The following PRELID2 variants were observed in gnomAD, a reference collection of about 807,000 sequenced individuals.
PRELID2 encodes the protein PRELI domain containing 2.
A neutral mutation model predicts 28.4 loss-of-function variants in PRELID2; 25 were observed. That is an observed-to-expected ratio of 0.88 (90% CI 0.64 to 1.23). The LOEUF (loss-of-function observed/expected upper bound fraction) is 1.23, where lower values mean the gene tolerates loss of function less well. Ranked by LOEUF, PRELID2 falls within the 50% of genes most tolerant of loss-of-function variation. The probability of loss-of-function intolerance (pLI) is 0.00; values close to 1 mark genes in which losing one functional copy is unlikely to be tolerated. For missense variants in PRELID2, 201 were observed against 214.4 expected (o/e 0.94, Z 0.39); for synonymous variants, 76 against 71.6 (o/e 1.06, Z -0.31).
chr5:145,476,004 C>A (rs1752097115), intron 1 of PRELID2, among the ~76,000 whole-genome samples: 1 of 152,148 alleles, frequency 6.6e-6, no homozygotes, highest in African/African-American at 2.4e-5. Context: ...TCCTGCAATG[C>A]TTATGGATTG....
the PRELID2 span, among the ~76,000 whole-genome samples, chr5:145,304,668 C>T: frequency 6.6e-6 from 1 of 152,032 alleles, no homozygotes; most frequent in South Asian, 2.1e-4. Flanking sequence ...ATATATATTG[C>T]TGCCCCATTT....
intron 4 of PRELID2, among the ~76,000 whole-genome samples, chr5:145,814,730 A>G (rs774196494): frequency 6.6e-6 from 1 of 152,224 alleles, no homozygotes; most frequent in Non-Finnish European, 1.5e-5. Flanking sequence ...ACAGATAATT[A>G]TCCAGTTCAC....
chr5:145,592,386 C>T (rs745597619), intron 1 of PRELID2, among the ~76,000 whole-genome samples: 12 of 152,008 alleles, frequency 7.9e-5, no homozygotes, highest in Middle Eastern at 3.2e-3. Context: ...CGCCACTGCA[C>T]TCCAGCCTGG....
At chr5:145,348,838 T>G in the PRELID2 span, among the ~76,000 whole-genome samples, 1 of 152,138 alleles carries the variant, frequency 6.6e-6, no homozygotes, top group Non-Finnish European at 1.5e-5. Flanking sequence ...TGTTGAAACT[T>G]TTCAACAAAT....
Position 145,696,156 on chromosome 5 carries a change from CTTT to C in PRELID2, n.70+68772_70+68774del, listed in dbSNP as rs10591669. ...GCACATAGTGAGCAATAAATAATAG[CTTT>C]TTTTTTTTTTTTTTTTTTTTTTACC... On this transcript the variant is annotated intron_variant and non_coding_transcript_variant, in intron 1 of 2. Coordinates refer to the PRELID2 transcript ENST00000510259. 8.8e-3 allele frequency among the ~76,000 whole-genome samples: 529 copies of C among 59,992 alleles called. 8 individuals are homozygous for C. Among genetic ancestry groups the C allele is most frequent in the African/African-American group, 0.024 (482 of 20,258 alleles). The allele number at this position is 59,992 out of a possible 152,430, so 39.4% of individuals were successfully genotyped here. A position where few individuals can be genotyped will look rare whatever the true frequency, so the allele number is the denominator to read the frequency against.
intron 1 of PRELID2, among the ~76,000 whole-genome samples, chr5:145,610,616 A>G (rs1440922199): frequency 6.6e-6 from 1 of 152,220 alleles, no homozygotes; most frequent in Non-Finnish European, 1.5e-5. Flanking sequence ...GTTATGCACC[A>G]AAATCTGGCT....
At chr5:145,282,385 CTTA>C in the PRELID2 span, among the ~76,000 whole-genome samples, 1 of 152,054 alleles carries the variant, frequency 6.6e-6, no homozygotes. Context: ...ATCTCCTGTG[CTTA>C]TTATCAAGTG....
At chr5:145,232,585 G>A in the PRELID2 span, among the ~76,000 whole-genome samples, 103 of 152,220 alleles carry the variant, frequency 6.8e-4, no homozygotes, top group Non-Finnish European at 8.8e-4. Flanking sequence ...TTGATCACTC[G>A]TTATTTGGAC....
At chr5:145,712,231 A>C (rs926312715) in intron 1 of PRELID2, among the ~76,000 whole-genome samples, 4 of 152,240 alleles carry the variant, frequency 2.6e-5, no homozygotes, top group African/African-American at 9.6e-5. Flanking sequence ...AAATAAATGA[A>C]TTACATTTTA....
the PRELID2 span, among the ~76,000 whole-genome samples, chr5:145,277,515 A>G: frequency 2.0e-5 from 3 of 151,836 alleles, no homozygotes; most frequent in Non-Finnish European, 4.4e-5. Flanking sequence ...GTCTCTCTTT[A>G]CCTCTTAGCC....
chr5:145,816,706 T>C (rs915875346), intron 4 of PRELID2, among the ~76,000 whole-genome samples: 2 of 152,178 alleles, frequency 1.3e-5, no homozygotes, highest in Non-Finnish European at 2.9e-5. Context: ...CATTGATTGG[T>C]CTTGTAATAT....
chr5:145,626,518 A>T (rs1201880133), intron 1 of PRELID2, among the ~76,000 whole-genome samples: 2 of 152,154 alleles, frequency 1.3e-5, no homozygotes, highest in African/African-American at 4.8e-5. Flanking sequence ...AAAGTAAAAA[A>T]ATGTAGATAT....
chr5:145,238,825 A>G, the PRELID2 span, among the ~76,000 whole-genome samples: 1 of 152,096 alleles, frequency 6.6e-6, no homozygotes, highest in Non-Finnish European at 1.5e-5. Flanking sequence ...AAGCCTACAC[A>G]AAACTACTTT....
chr5:145,499,193 A>G (rs1383831883), intron 1 of PRELID2, among the ~76,000 whole-genome samples: 2 of 152,056 alleles, frequency 1.3e-5, no homozygotes, highest in Non-Finnish European at 2.9e-5. Context: ...GGATGCAGTG[A>G]CCTATGATCA....
In PRELID2 at chr5:145,768,180, A is replaced by G. The variant is rs1757886254; in HGVS notation, c.475-3180T>C. On this transcript the variant is annotated intron_variant, in intron 5 of 6. Transcript: ENST00000683046. ...GCAAAGGTTGCAGTGAGCCAAGAGCACGCCACTGCATTCCAGCCTGGTGAC... is the reference window on the plus strand; with the variant it reads ...GCAAAGGTTGCAGTGAGCCAAGAGCGCGCCACTGCATTCCAGCCTGGTGAC... Among the ~76,000 whole-genome samples the G allele has an allele frequency of 2.1e-5, 3 of 144,290 alleles. No individual in the cohort carries two copies. The Admixed American group carries it at 2.2e-4, about 11-fold the overall frequency. 94.7% of individuals were successfully genotyped at this position (144,290 alleles called of 152,430 possible).
chr5:145,462,810 G>T, the PRELID2 span, among the ~76,000 whole-genome samples: 1 of 152,188 alleles, frequency 6.6e-6, no homozygotes, highest in African/African-American at 2.4e-5. Flanking sequence ...AGTGACTGCT[G>T]TTTCTAGTTG....
chr5:145,717,949 G>C (rs923075559), intron 1 of PRELID2, among the ~76,000 whole-genome samples: 6 of 151,734 alleles, frequency 4.0e-5, no homozygotes, highest in African/African-American at 1.5e-4. Context: ...AATGGGTTTT[G>C]ACATTATACT....
intron 1 of PRELID2, among the ~76,000 whole-genome samples, chr5:145,664,099 G>A (rs713327): frequency 0.064 from 9,696 of 152,106 alleles, 1,032 homozygotes; most frequent in African/African-American, 0.22. Context: ...TAAAATGAAG[G>A]AAATATTGAA....
chr5:145,590,836 A>G (rs960323344), intron 1 of PRELID2, among the ~76,000 whole-genome samples: 1 of 152,138 alleles, frequency 6.6e-6, no homozygotes, highest in African/African-American at 2.4e-5. Flanking sequence ...CCCCACTGAC[A>G]TTAATTAAAA....
Sources: gnomAD v4.1 joint callset for allele counts (sites outside exome capture counted in the v4.1 genomes callset) on GRCh38, gnomAD v4.1.1 for gene constraint, MANE v1.5 for transcripts, NCBI Gene and HGNC (gene_info 2026-07-23, HGNC 2026-07-21) for gene names.